The following CEP164 variants were observed in gnomAD, a reference collection of about 807,000 sequenced individuals.
The protein encoded by CEP164 is centrosomal protein of 164 kDa.
CEP164 carries 162 observed loss-of-function variants against 182.7 expected under a neutral mutation model. The ratio of observed to expected loss-of-function variants is 0.89; its 90% CI spans 0.78 to 1.01. The LOEUF is 1.01. Ranked by LOEUF, CEP164 falls within the 50% of genes least tolerant of loss-of-function variation. CEP164 has a pLI of 0.00. For synonymous variants in CEP164, 661 were observed against 690.0 expected, an observed-to-expected ratio of 0.96 and a Z score of 0.66; for missense variants, 1,735 against 1,790.4, an observed-to-expected ratio of 0.97 and a Z score of 0.56.
chr11:117,408,010 T>TG lies in CEP164; in HGVS notation c.3589dup (p.Glu1197GlyfsTer11). On this transcript the variant is annotated frameshift_variant, in exon 28 of 33. Coordinates refer to ENST00000278935, the MANE Select transcript of CEP164 (RefSeq NM_014956.5). LOFTEE classifies it high-confidence loss of function. ...AAGAAAGAGGAGAAGCTGAATCAGT[T>TG]GGAGTCCTCTCTTTGGGAAGAGGTG... 1.3e-6 allele frequency: 2 copies of TG among 1,594,568 alleles called. No homozygotes were observed. Among genetic ancestry groups the TG allele is most frequent in the Non-Finnish European group, 1.7e-6 (2 of 1,170,272 alleles).
At chr11:117,383,001 G>A in intron 14 of CEP164, 59 bp downstream of exon 14, 1 of 1,563,758 alleles carries the variant, frequency 6.4e-7, no homozygotes, top group Non-Finnish European at 8.7e-7. Context: ...CTGCTTCAGT[G>A]CCTATTCACT....
In CEP164 at chr11:117,355,814, G is replaced by A. The variant is rs560827869; in HGVS notation, c.393+3826G>A. 1.7e-4 allele frequency: 185 copies of A among 1,087,674 alleles called. No individual in the cohort carries two copies. The African/African-American group carries it at 2.8e-3, about 17-fold the overall frequency. The allele number at this position is 1,087,674 out of a possible 1,614,324, so 67.4% of individuals were successfully genotyped here. On this transcript the variant is annotated intron_variant, in intron 5 of 32. Coordinates refer to ENST00000278935, the MANE Select transcript of CEP164 (RefSeq NM_014956.5). ...TGACCCTGAGGCTCTAGGGGCCTCA[G>A]CTGAAGATCTACCTCAGGGTCTCTT...
At chr11:117,328,633 T>A (rs1226924376) in intron 1 of CEP164, among the ~76,000 whole-genome samples, 1 of 152,208 alleles carries the variant, frequency 6.6e-6, no homozygotes, top group Non-Finnish European at 1.5e-5. Context: ...AGCTCAGACC[T>A]GCTTACTGTC....
intron 1 of CEP164, among the ~76,000 whole-genome samples, chr11:117,330,423 C>T (rs151332018): frequency 1.3e-5 from 2 of 152,226 alleles, no homozygotes; most frequent in East Asian, 1.9e-4. Flanking sequence ...GAGGCCAAGG[C>T]GGGCGGATCA....
At chr11:117,355,319 A>G (rs1324876641) in intron 5 of CEP164, 4 of 1,289,852 alleles carry the variant, frequency 3.1e-6, no homozygotes, top group South Asian at 1.2e-5. Flanking sequence ...AGAGCTGGAA[A>G]TGAGAAGCAG....
At chr11:117,329,388 T>C (rs2035836823) in intron 1 of CEP164, among the ~76,000 whole-genome samples, 1 of 152,122 alleles carries the variant, frequency 6.6e-6, no homozygotes, top group African/African-American at 2.4e-5. Flanking sequence ...GCTCTTGCCT[T>C]TCATTCTAGA....
chr11:117,408,148 T>C (rs1365668410), intron 28 of CEP164, 116 bp downstream of exon 28: 2 of 681,420 alleles, frequency 2.9e-6, no homozygotes, highest in Non-Finnish European at 5.0e-6. Flanking sequence ...GGGCCCAGGA[T>C]TGGGCAGTAG....
At chr11:117,372,634 C>T (rs2042332176) in intron 9 of CEP164, among the ~76,000 whole-genome samples, 3 of 151,440 alleles carry the variant, frequency 2.0e-5, no homozygotes, top group African/African-American at 7.3e-5. Flanking sequence ...TCAGGCTGGT[C>T]TTGAACTCCC....
intron 13 of CEP164, 27 bp downstream of exon 13, chr11:117,381,895 G>A: frequency 1.4e-6 from 2 of 1,463,258 alleles, no homozygotes; most frequent in Non-Finnish European, 9.1e-7. Flanking sequence ...GCATCCTCAT[G>A]AGGATGAGGG....
At chr11:117,344,687 G>A (rs2038634150) in intron 4 of CEP164, among the ~76,000 whole-genome samples, 1 of 152,212 alleles carries the variant, frequency 6.6e-6, no homozygotes, top group Non-Finnish European at 1.5e-5. Context: ...AGTGCTTTGG[G>A]AGGCCGAGGT....
At chr11:117,405,202 GAAA>G (rs914246994) in intron 27 of CEP164, among the ~76,000 whole-genome samples, 2 of 152,098 alleles carry the variant, frequency 1.3e-5, no homozygotes, top group African/African-American at 4.8e-5. Context: ...ACTGGGGTAT[GAAA>G]AAAACTCCTG....
chr11:117,342,023 A>T (rs1334323009), intron 3 of CEP164, among the ~76,000 whole-genome samples: 1 of 151,970 alleles, frequency 6.6e-6, no homozygotes, highest in Non-Finnish European at 1.5e-5. Context: ...ATGCTCTTCC[A>T]CCCTGATGTT....
upstream of CEP164, chr11:117,323,871 T>C: frequency 2.4e-6 from 1 of 418,994 alleles, no homozygotes; most frequent in Admixed American, 2.5e-5. Context: ...TTCACGTACC[T>C]GTTGGCCATT....
intron 15 of CEP164, among the ~76,000 whole-genome samples, chr11:117,387,913 G>A (rs925514192): frequency 1.3e-5 from 2 of 152,316 alleles, no homozygotes; most frequent in African/African-American, 2.4e-5. Flanking sequence ...CAACATACAA[G>A]TACTGGGAAG....
Position 117,388,085 on chromosome 11 carries a change from C to G in CEP164, c.1934+673C>G, listed in dbSNP as rs548761998. On this transcript the variant is annotated intron_variant, in intron 15 of 32. Transcript: ENST00000278935. ...CCTAGCATCCTCCTCTTCCAGCCAACTGAGAATTGGGGCAGGGGCCCACCC... is the reference window on the plus strand; with the variant it reads ...CCTAGCATCCTCCTCTTCCAGCCAAGTGAGAATTGGGGCAGGGGCCCACCC... 3.3e-5 allele frequency among the ~76,000 whole-genome samples: 5 copies of G among 152,344 alleles called. No individual in the cohort carries two copies. The South Asian group carries it at 1.0e-3, about 32-fold the overall frequency.
chr11:117,360,391 G>A (rs996337333), intron 5 of CEP164, among the ~76,000 whole-genome samples: 1 of 152,118 alleles, frequency 6.6e-6, no homozygotes, highest in Non-Finnish European at 1.5e-5. Flanking sequence ...GCTGGTCTGA[G>A]ATAGGGTCTT....
intron 7 of CEP164, among the ~76,000 whole-genome samples, chr11:117,362,889 C>T (rs187764818): frequency 3.7e-4 from 57 of 152,300 alleles, no homozygotes; most frequent in Admixed American, 6.5e-4. Context: ...ATTCTAGGTA[C>T]TTCATATAAG....
At chr11:117,384,254 T>C (rs765867732) in intron 14 of CEP164, among the ~76,000 whole-genome samples, 5 of 152,224 alleles carry the variant, frequency 3.3e-5, no homozygotes, top group African/African-American at 4.8e-5. Flanking sequence ...CATTACTCAC[T>C]GAGAGCTGGC....
chr11:117,375,873 C>T lies in CEP164; in HGVS notation c.1317+82C>T, dbSNP rs2042689837. 29 of 1,214,168 alleles carry T rather than the reference C, an allele frequency of 2.4e-5. No individual in the cohort carries two copies. The East Asian group carries it at 6.8e-4, about 28-fold the overall frequency. The allele number at this position is 1,214,168 out of a possible 1,614,324, so 75.2% of individuals were successfully genotyped here. A position where few individuals can be genotyped will look rare whatever the true frequency, so the allele number is the denominator to read the frequency against. On this transcript the variant is annotated intron_variant, in intron 11 of 32. Transcript: ENST00000278935. ...TCGGATGACCCAGAACTGAGCCCTGCCCATCACAGGGTGCATTTCTGTAAG... is the reference window on the plus strand; with the variant it reads ...TCGGATGACCCAGAACTGAGCCCTGTCCATCACAGGGTGCATTTCTGTAAG...
Sources: gnomAD v4.1 joint callset for allele counts (sites outside exome capture counted in the v4.1 genomes callset) on GRCh38, gnomAD v4.1.1 for gene constraint, MANE v1.5 for transcripts, NCBI Gene and HGNC (gene_info 2026-07-23, HGNC 2026-07-21) for gene names.